The following SYNE1 variants were observed in gnomAD, a reference collection of about 807,000 sequenced individuals.
SYNE1 encodes nesprin-1.
Under a neutral mutation model 1,111.0 loss-of-function variants are expected in SYNE1, and 616 were observed. That is an observed-to-expected ratio of 0.55 (90% CI 0.52 to 0.59). SYNE1 has a LOEUF of 0.59. SYNE1 is among the 20% of genes least tolerant of loss of function. SYNE1 has a pLI of 0.00. For missense variants in SYNE1, 10,006 were observed against 10,417.0 expected (o/e 0.96, Z 1.72); for synonymous variants, 3,855 against 3,825.8 (o/e 1.01, Z -0.28).
intron 128 of SYNE1, among the ~76,000 whole-genome samples, chr6:152,181,989 C>G (rs2068210367): frequency 1.3e-5 from 2 of 152,176 alleles, no homozygotes; most frequent in Admixed American, 1.3e-4. Flanking sequence ...TTTTGATTTG[C>G]ATTTCCCTAA....
intron 140 of SYNE1, among the ~76,000 whole-genome samples, chr6:152,139,217 G>A (rs575362874): frequency 4.5e-4 from 69 of 152,156 alleles, no homozygotes; most frequent in African/African-American, 1.5e-3. Flanking sequence ...TCATTAAATC[G>A]TGTGTGCTTA....
intron 131 of SYNE1, 121 bp from the exon 132 acceptor site, chr6:152,156,218 T>C (rs1029830840): frequency 5.8e-6 from 6 of 1,036,190 alleles, no homozygotes; most frequent in African/African-American, 1.6e-5. Flanking sequence ...TTTCCTTGAA[T>C]GTATGACATT....
At chr6:152,234,618 C>G (rs1300865197) in intron 111 of SYNE1, 50 bp downstream of exon 111, 2 of 1,612,570 alleles carry the variant, frequency 1.2e-6, no homozygotes, top group South Asian at 2.2e-5. Flanking sequence ...GTGTATGGGT[C>G]AGGCCTAACT....
chr6:152,487,553 G>T (rs1263465133), intron 12 of SYNE1, among the ~76,000 whole-genome samples: 1 of 152,182 alleles, frequency 6.6e-6, no homozygotes, highest in Non-Finnish European at 1.5e-5. Context: ...AGAAGCAGAA[G>T]TCCAATTAAT....
chr6:152,339,797 G>C (rs1342792984), intron 74 of SYNE1, among the ~76,000 whole-genome samples: 2 of 152,236 alleles, frequency 1.3e-5, no homozygotes, highest in Admixed American at 6.5e-5. Context: ...TTAAAACACA[G>C]ATGTCTGGGC....
rs1029374525 is a variant in SYNE1 at position 152,347,128 on chromosome 6, T to C, written c.12009A>G (p.Lys4003=). Residue 4003 remains lysine, a synonymous_variant, in exon 73 of 146, where the codon AAA becomes AAG. Coordinates refer to ENST00000367255, the MANE Select transcript of SYNE1 (RefSeq NM_182961.4). ...QCADHLQAKL[K]QNVHAHLQGT... ...CCTGCAGATGAGCATGCACGTTTTG[T>C]TTAAGTTTCGCTTGCAGGTGGTCTG... 4.3e-6 allele frequency: 7 copies of C among 1,614,044 alleles called. No individual in the cohort carries two copies. Among genetic ancestry groups the C allele is most frequent in the Middle Eastern group, 1.6e-4 (1 of 6,084 alleles).
At chr6:152,377,606 C>G in intron 56 of SYNE1, among the ~76,000 whole-genome samples, 1 of 42,240 alleles carries the variant, frequency 2.4e-5, no homozygotes, top group Non-Finnish European at 4.0e-5. Flanking sequence ...GAAACTCCGT[C>G]TTAAAAAAAA....
At chr6:152,394,072 C>A (rs950281349) in intron 51 of SYNE1, among the ~76,000 whole-genome samples, 4 of 152,068 alleles carry the variant, frequency 2.6e-5, no homozygotes, top group African/African-American at 4.8e-5. Context: ...TGAGAACATG[C>A]GGTGTTTGGT....
chr6:152,604,401 C>A (rs996311776), intron 3 of SYNE1, among the ~76,000 whole-genome samples: 1 of 152,078 alleles, frequency 6.6e-6, no homozygotes, highest in Non-Finnish European at 1.5e-5. Flanking sequence ...CTCCTGGGCT[C>A]AGGTGATCCT....
At position 152,301,970 on chromosome 6, in the gene SYNE1, T is replaced by C. The variant is rs911611775; in HGVS notation, c.17440A>G (p.Met5814Val). The C allele has an allele frequency of 2.5e-6, 4 of 1,614,120 alleles. No individual in the cohort carries two copies. The highest frequency in any genetic ancestry group is 3.4e-6 in the Non-Finnish European group (4 of 1,180,050). The change falls in exon 92 of 146, where the codon ATG becomes GTG. Residue 5814 changes from methionine to valine, a missense_variant. Met to Val is a conservative substitution (Grantham distance 21). Transcript: ENST00000367255. Reference protein sequence around the residue: ...MLTMKAKHATMLLTVTEVEGL... With the variant: ...MLTMKAKHATVLLTVTEVEGL... ...TCGACCTCGGTCACCGTCAGCAGCA[T>C]GGTGGCGTGCTTGGCTTTCATCGTC...
intron 11 of SYNE1, among the ~76,000 whole-genome samples, chr6:152,489,128 T>C (rs945607711): frequency 1.3e-5 from 2 of 152,146 alleles, no homozygotes; most frequent in Non-Finnish European, 2.9e-5. Context: ...AAAATAAAAT[T>C]GGGATTTTCA....
rs2095450713 is a variant in SYNE1, at chr6:152,308,594, C to A, written c.17241G>T (p.Met5747Ile). The A allele has an allele frequency of 6.2e-7, 1 of 1,610,104 alleles. No individual in the cohort carries two copies. The change falls in exon 91 of 146, where the codon ATG becomes ATT. Residue 5747 changes from methionine to isoleucine, a missense_variant. Transcript: ENST00000367255. Reference sequence around the variant, plus strand: ...CTTCTATCAGTTGCTGGAGATGTTTCATTTCTTGCTCATATTGTTCATATT... The same window carrying A: ...CTTCTATCAGTTGCTGGAGATGTTTAATTTCTTGCTCATATTGTTCATATT... ...VVQYEQYEQE[M>I]KHLQQLIEGA...
Position 152,221,413 on chromosome 6 carries a change from A to G in SYNE1, c.21656+13T>C, listed in dbSNP as rs9383976. On this transcript the variant is annotated intron_variant, in intron 118 of 145. Coordinates refer to ENST00000367255, the MANE Select transcript of SYNE1 (RefSeq NM_182961.4). ...GTGATATAAATAGTGTGTAAAGTTA[A>G]CATACTCCATACCTCATGTTGACTT... is the stretch of plus-strand genomic sequence containing the variant. The G allele has an allele frequency of 0.25, 395,913 of 1,612,502 alleles. 52,582 individuals carry two copies. The highest frequency in any genetic ancestry group is 0.53 in the East Asian group (23,723 of 44,772).
At chr6:152,272,462 C>T (rs1370706533) in intron 98 of SYNE1, among the ~76,000 whole-genome samples, 1 of 152,194 alleles carries the variant, frequency 6.6e-6, no homozygotes, top group African/African-American at 2.4e-5. Context: ...CAGTGCTAAA[C>T]ATTACATAAA....
chr6:152,309,975 C>T lies in SYNE1; in HGVS notation c.17062G>A (p.Ala5688Thr), dbSNP rs1373933995. The change falls in exon 90 of 146, where the codon GCA becomes ACA. Residue 5688 changes from alanine (A) to threonine (T), a missense_variant. Physicochemically the swap from Ala to Thr is moderately conservative, Grantham distance 58. Around this residue, in one of 7 missense-constraint regions of SYNE1, gnomAD observed 4,955 missense variants for 5,017.2 expected, o/e 0.99. Coordinates refer to ENST00000367255, the MANE Select transcript of SYNE1 (RefSeq NM_182961.4). Reference sequence around the variant, plus strand: ...AGGGCACTCTGGCAGAGCTGCACTGCTTGCACCTTCGGCTTCAGTGACTCC... The same window carrying T: ...AGGGCACTCTGGCAGAGCTGCACTGTTTGCACCTTCGGCTTCAGTGACTCC... Reference protein sequence around the residue: ...EMESLKPKVQAVQLCQSALRI... With the variant: ...EMESLKPKVQTVQLCQSALRI... 1.9e-6 allele frequency: 3 copies of T among 1,614,150 alleles called. No homozygotes were observed. In the South Asian group the frequency reaches 3.3e-5, roughly 18 times the overall value.
chr6:152,462,897 A>C lies in SYNE1; in HGVS notation c.2098-7T>G, dbSNP rs1284291694. ...TCTCATCAGCTTGAGCATACTGTTAAGGAAAGGGAGGAGGGAACATCGTGA... is the reference window on the plus strand; with the variant it reads ...TCTCATCAGCTTGAGCATACTGTTACGGAAAGGGAGGAGGGAACATCGTGA... On this transcript the variant is annotated splice_region_variant and splice_polypyrimidine_tract_variant and intron_variant, in intron 19 of 145. Coordinates refer to ENST00000367255, the MANE Select transcript of SYNE1 (RefSeq NM_182961.4). 7 of 1,613,832 alleles carry C rather than the reference A, an allele frequency of 4.3e-6. No individual in the cohort carries two copies. The East Asian group carries it at 1.6e-4, about 36-fold the overall frequency.
chr6:152,183,688 G>A (rs1363838712), intron 128 of SYNE1, among the ~76,000 whole-genome samples: 2 of 152,180 alleles, frequency 1.3e-5, no homozygotes, highest in Non-Finnish European at 2.9e-5. Context: ...CATAAGCCAA[G>A]AATGAACTCT....
chr6:152,208,257 G>A (rs1215355650), intron 124 of SYNE1, 51 bp from the exon 125 acceptor site: 2 of 1,541,294 alleles, frequency 1.3e-6, no homozygotes, highest in Admixed American at 1.7e-5. Context: ...CTTGGATGCA[G>A]TTACGCAATC....
At chr6:152,217,284 T>C (rs2078973574) in intron 121 of SYNE1, among the ~76,000 whole-genome samples, 1 of 147,858 alleles carries the variant, frequency 6.8e-6, no homozygotes, top group Admixed American at 6.8e-5. Flanking sequence ...CAGTCCTAAC[T>C]ACTCGGGAGG....
Sources: gnomAD v4.1 joint callset for allele counts (sites outside exome capture counted in the v4.1 genomes callset) on GRCh38, gnomAD v4.1.1 for gene constraint, gnomAD v4.1.1 regional missense constraint, MANE v1.5 for transcripts, NCBI Gene and HGNC (gene_info 2026-07-23, HGNC 2026-07-21) for gene names.